MYO6: variants seen among roughly 807,000 people sequenced by gnomAD.
MYO6 encodes myosin VI.
In MYO6, 74 loss-of-function variants were observed where a neutral mutation model predicts 178.7. That is an observed-to-expected ratio of 0.41 (90% CI 0.34 to 0.50). The LOEUF (loss-of-function observed/expected upper bound fraction) is 0.50. Among genes scored for constraint, MYO6 ranks in the 20% least tolerant of loss-of-function variants. The pLI is 0.09. For missense variants in MYO6, 1,330 were observed against 1,547.4 expected (o/e 0.86, Z 2.36); for synonymous variants, 477 against 504.6 (o/e 0.95, Z 0.73).
At chr6:75,890,892 T>C (rs1778850902) in intron 26 of MYO6, among the ~76,000 whole-genome samples, 1 of 152,172 alleles carries the variant, frequency 6.6e-6, no homozygotes, top group South Asian at 2.1e-4. Context: ...TTTTGAAAGA[T>C]TGCCATGATA....
At chr6:75,914,002 T>G in intron 33 of MYO6, 61 bp from the exon 34 acceptor site, 2 of 1,504,648 alleles carry the variant, frequency 1.3e-6, no homozygotes, top group Non-Finnish European at 1.8e-6. Flanking sequence ...TATTTTAGGA[T>G]TAAAGGCTCT....
intron 20 of MYO6, among the ~76,000 whole-genome samples, chr6:75,878,955 T>C (rs1426729986): frequency 1.3e-5 from 2 of 152,170 alleles, no homozygotes; most frequent in Non-Finnish European, 2.9e-5. Context: ...AAAATAGATA[T>C]TTATCCAATA....
intron 8 of MYO6, 150 bp downstream of exon 8, chr6:75,840,832 A>G: frequency 1.5e-6 from 1 of 687,604 alleles, no homozygotes; most frequent in Admixed American, 2.5e-5. Flanking sequence ...GTCCACTATG[A>G]CCATCTAAAA....
rs1247059821 is a variant in MYO6 at position 75,915,664 on chromosome 6, T to C, written c.*652T>C. ...CTAATAGTATCCAGCACAGATTTGCTTTTCTTTGCTAGCACAATGTGTGTT... is the reference window on the plus strand; with the variant it reads ...CTAATAGTATCCAGCACAGATTTGCCTTTCTTTGCTAGCACAATGTGTGTT... On this transcript the variant is annotated 3_prime_UTR_variant, in exon 35 of 35. Transcript: ENST00000369977. 1 of 152,666 alleles carries C rather than the reference T, an allele frequency of 6.6e-6. No individual in the cohort carries two copies. Among genetic ancestry groups the C allele is most frequent in the East Asian group, 1.9e-4 (1 of 5,204 alleles). The allele number at this position is 152,666 out of a possible 1,614,324, so 9.5% of individuals were successfully genotyped here. A position where few individuals can be genotyped will look rare whatever the true frequency, so the allele number is the denominator to read the frequency against.
chr6:75,817,511 A>T lies in MYO6; in HGVS notation c.-37A>T, dbSNP rs778526358. On this transcript the variant is annotated 5_prime_UTR_variant, in exon 2 of 35. Transcript: ENST00000369977. ...GTTCCTTTGAAACAGGTGACAGTGG[A>T]TAGTGGAAACAGGAGATCGTGGATC... The T allele has an allele frequency of 1.3e-6, 2 of 1,495,680 alleles. No homozygotes were observed. Among genetic ancestry groups the T allele is most frequent in the Admixed American group, 3.3e-5 (2 of 59,878 alleles). 92.7% of individuals were successfully genotyped at this position (1,495,680 alleles called of 1,614,324 possible).
intron 19 of MYO6, among the ~76,000 whole-genome samples, chr6:75,872,100 A>G (rs1230283446): frequency 2.0e-5 from 3 of 152,068 alleles, no homozygotes; most frequent in African/African-American, 7.2e-5. Flanking sequence ...CTGCACTCCA[A>G]CCTGGTTGAC....
Position 75,867,122 on chromosome 6 carries a change from ATT to A in MYO6, c.1944+26_1944+27del. ...AAGTTTAAGGTATTTGTGTTATTTA[ATT>A]TTTTTTTTACTATATTTAAAATGAA... On this transcript the variant is annotated intron_variant, in intron 18 of 34. Coordinates refer to ENST00000369977, the MANE Select transcript of MYO6 (RefSeq NM_004999.4). 1.3e-6 allele frequency: 2 copies of A among 1,509,442 alleles called. No individual in the cohort carries two copies. The highest frequency in any genetic ancestry group is 1.8e-6 in the Non-Finnish European group (2 of 1,113,964). 93.5% of individuals were successfully genotyped at this position (1,509,442 alleles called of 1,614,324 possible).
chr6:75,782,744 A>T (rs1767112175), intron 1 of MYO6, among the ~76,000 whole-genome samples: 1 of 151,724 alleles, frequency 6.6e-6, no homozygotes, highest in Admixed American at 6.6e-5. Context: ...TTTATCTATT[A>T]TTGCTGTGCA....
In MYO6 at chr6:75,886,883, A is replaced by T; in HGVS notation, c.2547A>T (p.Arg849=). 6.2e-7 allele frequency: 1 copy of T among 1,613,884 alleles called. No individual in the cohort carries two copies. The highest frequency in any genetic ancestry group is 8.5e-7 in the Non-Finnish European group (1 of 1,179,882). ...TTAAGGTGGGCACACTGAAAAAACG[A>T]CTTGATAAATTTAATGAGGTAGTCA... ...GLVKVGTLKK[R]LDKFNEVVSV... is the part of the protein sequence containing the mutation. Residue 849 remains arginine (R), a synonymous_variant, in exon 25 of 35, where the codon CGA becomes CGT. Transcript: ENST00000369977.
Position 75,892,560 on chromosome 6 carries a change from A to G in MYO6, c.2977A>G (p.Lys993Glu), listed in dbSNP as rs560396409. ...AGTGGAGGCACAGCTGGCCCGACAG[A>G]AGGAGGAGGAATCCCAACAGCAAGC... ...AEVEAQLARQ[K>E]EEESQQQAVL... The change falls in exon 28 of 35, where the codon AAG becomes GAG. Residue 993 changes from lysine (K) to glutamate (E), a missense_variant. Around this residue, in one of 3 missense-constraint regions of MYO6, gnomAD observed 601 missense variants for 626.1 expected, o/e 0.96. Transcript: ENST00000369977. 3.1e-6 allele frequency: 5 copies of G among 1,613,780 alleles called. No homozygotes were observed. The highest frequency in any genetic ancestry group is 2.7e-5 in the African/African-American group (2 of 74,914).
In MYO6 at chr6:75,855,319, G is replaced by A. The variant is rs1562251456; in HGVS notation, c.1223+36G>A. On this transcript the variant is annotated intron_variant, in intron 12 of 34. Coordinates refer to ENST00000369977, the MANE Select transcript of MYO6 (RefSeq NM_004999.4). ...TAAGTAATTGCACTGCAAAAATTTT[G>A]CCTTGCAGTTTGTCAAGGAAAAACA... 10 of 1,608,240 alleles carry A rather than the reference G, an allele frequency of 6.2e-6. No homozygotes were observed. In the African/African-American group the frequency reaches 9.4e-5, roughly 15 times the overall value.
intron 14 of MYO6, 54 bp downstream of exon 14, chr6:75,859,047 T>A (rs773287450): frequency 1.5e-4 from 177 of 1,192,982 alleles, no homozygotes; most frequent in Non-Finnish European, 2.1e-4. Context: ...TTTTAAATTT[T>A]AAGGAAGAGA....
At chr6:75,811,389 A>C (rs760202058) in intron 1 of MYO6, among the ~76,000 whole-genome samples, 2 of 152,128 alleles carry the variant, frequency 1.3e-5, no homozygotes, top group Non-Finnish European at 1.5e-5. Flanking sequence ...AAATTAGAAA[A>C]TGCTTCTGTT....
chr6:75,850,587 G>A (rs1035657370), intron 11 of MYO6, among the ~76,000 whole-genome samples: 8 of 152,166 alleles, frequency 5.3e-5, no homozygotes, highest in Admixed American at 4.6e-4. Context: ...CAGATCTAAT[G>A]TTCTGTAATG....
intron 1 of MYO6, among the ~76,000 whole-genome samples, chr6:75,805,021 A>ATATATATTTTTTTTTTT (rs1252912172): frequency 1.3e-5 from 1 of 77,312 alleles, no homozygotes; most frequent in African/African-American, 1.0e-4. Flanking sequence ...ATATATATAT[A>ATATATATTTTTTTTTTT]TTTTTTTTTT....
intron 3 of MYO6, among the ~76,000 whole-genome samples, chr6:75,825,437 A>G (rs1162199106): frequency 1.3e-5 from 2 of 152,152 alleles, no homozygotes; most frequent in Non-Finnish European, 2.9e-5. Context: ...TACTAAAAGT[A>G]CAAAAATTAG....
At chr6:75,861,578 T>C (rs1776217872) in intron 15 of MYO6, among the ~76,000 whole-genome samples, 2 of 152,206 alleles carry the variant, frequency 1.3e-5, no homozygotes, top group African/African-American at 4.8e-5. Context: ...GAATAGAGGC[T>C]CTGCTTTCAT....
At chr6:75,907,152 T>A (rs1485404430) in intron 30 of MYO6, among the ~76,000 whole-genome samples, 1 of 152,198 alleles carries the variant, frequency 6.6e-6, no homozygotes, top group African/African-American at 2.4e-5. Flanking sequence ...ATCTGTAGAT[T>A]TCCGCAGTCT....
In MYO6 at chr6:75,879,946, G is replaced by A. The variant is rs762728876; in HGVS notation, c.2204G>A (p.Cys735Tyr). The A allele has an allele frequency of 6.2e-7, 1 of 1,614,086 alleles. No individual in the cohort carries two copies. The highest frequency in any genetic ancestry group is 8.5e-7 in the Non-Finnish European group (1 of 1,180,000). ...KLARLDPRLF[C>Y]KALFKALGLN... ...GCAAGATTGGATCCAAGACTATTTT[G>A]TAAGGTATAAATGCCACCCAAATTG... The change falls in exon 21 of 35, where the codon TGT becomes TAT. Residue 735 changes from cysteine to tyrosine, a missense_variant. Transcript: ENST00000369977.
Sources: allele counts gnomAD v4.1 joint callset (sites outside exome capture counted in the v4.1 genomes callset), GRCh38; gene constraint gnomAD v4.1.1; regional missense constraint gnomAD v4.1.1; transcripts MANE v1.5; gene names NCBI Gene and HGNC (gene_info 2026-07-23, HGNC 2026-07-21).